HM13: variants seen among roughly 807,000 people sequenced by gnomAD.
HM13 encodes histocompatibility minor 13.
HM13 carries 18 observed loss-of-function variants against 50.0 expected under a neutral mutation model. The ratio of observed to expected loss-of-function variants is 0.36; its 90% CI spans 0.25 to 0.53. The LOEUF (loss-of-function observed/expected upper bound fraction) is 0.53. HM13 is among the 20% of genes least tolerant of loss of function. The probability of loss-of-function intolerance (pLI) is 0.90; values close to 1 mark genes in which losing one functional copy is unlikely to be tolerated. For missense variants in HM13, 393 were observed against 552.4 expected (o/e 0.71, Z 2.89); for synonymous variants, 197 against 232.6 (o/e 0.85, Z 1.39).
chr20:31,567,590 CCTTT>C (rs1984997960), intron 11 of HM13: 1 of 152,328 alleles, frequency 6.6e-6, no homozygotes, highest in Non-Finnish European at 1.5e-5. Context: ...CTATTCTCCT[CCTTT>C]TTTTATTGAT....
At chr20:31,557,988 G>A (rs376717289) in intron 8 of HM13, among the ~76,000 whole-genome samples, 5 of 152,054 alleles carry the variant, frequency 3.3e-5, no homozygotes, top group East Asian at 1.9e-4. Flanking sequence ...GATTGCAGGC[G>A]TGAGCCACCG....
At chr20:31,566,652 TCA>T (rs756314516) in intron 11 of HM13, among the ~76,000 whole-genome samples, 15 of 152,114 alleles carry the variant, frequency 9.9e-5, no homozygotes, top group Admixed American at 9.8e-4. Flanking sequence ...TCCCATGGCC[TCA>T]GTTTTCACAT....
chr20:31,548,880 C>A, intron 4 of HM13, 149 bp from the exon 5 acceptor site: 1 of 724,224 alleles, frequency 1.4e-6, no homozygotes, highest in Non-Finnish European at 2.4e-6. Context: ...TTCTGAAACT[C>A]ATACTAATCT....
At chr20:31,520,973 C>T (rs1305820320) in intron 1 of HM13, among the ~76,000 whole-genome samples, 2 of 152,186 alleles carry the variant, frequency 1.3e-5, no homozygotes, top group East Asian at 1.9e-4. Context: ...CTTTTGTTTC[C>T]GCTCTGATAA....
chr20:31,568,332 G>A, intron 12 of HM13, 108 bp downstream of exon 12: 2 of 1,417,978 alleles, frequency 1.4e-6, no homozygotes, highest in Non-Finnish European at 1.9e-6. Flanking sequence ...ATTGCCAGGA[G>A]TAGGCCGCAA....
chr20:31,559,693 C>G, intron 9 of HM13, 46 bp downstream of exon 9: 1 of 1,594,702 alleles, frequency 6.3e-7, no homozygotes, highest in Non-Finnish European at 8.6e-7. Context: ...TCCAGGGATT[C>G]TCCAGTGGCC....
intron 7 of HM13, among the ~76,000 whole-genome samples, chr20:31,552,326 G>A (rs1984077040): frequency 6.6e-6 from 1 of 152,182 alleles, no homozygotes; most frequent in South Asian, 2.1e-4. Flanking sequence ...GGAGGGGCCT[G>A]GGAGCAGAGA....
At chr20:31,530,906 T>C (rs895156423) in intron 2 of HM13, among the ~76,000 whole-genome samples, 10 of 152,220 alleles carry the variant, frequency 6.6e-5, no homozygotes, top group African/African-American at 2.4e-4. Context: ...AATTAGATAG[T>C]GCCAAATCAC....
chr20:31,554,498 C>A (rs554253478), intron 7 of HM13: 1 of 396,568 alleles, frequency 2.5e-6, no homozygotes, highest in African/African-American at 2.1e-5. Flanking sequence ...CTGGCTAACA[C>A]GGTGAAACCC....
intron 3 of HM13, chr20:31,540,946 C>G (rs539986384): frequency 6.6e-6 from 1 of 151,064 alleles, no homozygotes; most frequent in African/African-American, 2.4e-5. Context: ...CACCACTGCA[C>G]TCCAGCCTGG....
At chr20:31,553,843 G>A (rs1271633040) in intron 7 of HM13, among the ~76,000 whole-genome samples, 10 of 151,954 alleles carry the variant, frequency 6.6e-5, no homozygotes, top group Admixed American at 5.9e-4. Context: ...CTTATAGCCC[G>A]GGCTCACCCT....
chr20:31,562,500 G>A (rs1055751864), intron 10 of HM13: 2 of 152,252 alleles, frequency 1.3e-5, no homozygotes, highest in Non-Finnish European at 2.9e-5. Flanking sequence ...CCACACCCAG[G>A]CTCTCAAGCC....
intron 4 of HM13, among the ~76,000 whole-genome samples, chr20:31,545,446 AG>A (rs1326906896): frequency 6.6e-6 from 1 of 152,136 alleles, no homozygotes; most frequent in Non-Finnish European, 1.5e-5. Flanking sequence ...AGGTTTGAAA[AG>A]GGGGTTCCAC....
At chr20:31,552,289 C>G (rs1014199272) in intron 7 of HM13, among the ~76,000 whole-genome samples, 2 of 152,010 alleles carry the variant, frequency 1.3e-5, no homozygotes, top group Non-Finnish European at 2.9e-5. Context: ...ACAGCTTCAG[C>G]AAAGGGCTGG....
intron 4 of HM13, chr20:31,548,828 A>C: frequency 1.7e-6 from 1 of 600,974 alleles, no homozygotes. Context: ...TCCCTCCTGT[A>C]GGAAATTGGA....
intron 7 of HM13, chr20:31,554,476 A>C (rs1454247931): frequency 2.9e-6 from 1 of 339,854 alleles, no homozygotes; most frequent in African/African-American, 2.2e-5. Flanking sequence ...AGGTCAGGAG[A>C]TCAAGACCAT....
At chr20:31,531,085 C>T (rs1433680204) in intron 2 of HM13, among the ~76,000 whole-genome samples, 1 of 152,042 alleles carries the variant, frequency 6.6e-6, no homozygotes, top group East Asian at 1.9e-4. Context: ...CACTCTGTTG[C>T]CCAGGCTGGA....
At chr20:31,536,667 T>A (rs527742409) in intron 2 of HM13, among the ~76,000 whole-genome samples, 5 of 152,250 alleles carry the variant, frequency 3.3e-5, no homozygotes, top group African/African-American at 4.8e-5. Flanking sequence ...ACTGTCCCCA[T>A]GCTCCCTTAG....
intron 2 of HM13, among the ~76,000 whole-genome samples, chr20:31,533,743 C>T (rs1982950600): frequency 6.6e-6 from 1 of 152,180 alleles, no homozygotes; most frequent in Non-Finnish European, 1.5e-5. Context: ...CCGTGGGTCT[C>T]CTTCTGTAGG....
Sources: allele counts gnomAD v4.1 joint callset (sites outside exome capture counted in the v4.1 genomes callset), GRCh38; gene constraint gnomAD v4.1.1; transcripts MANE v1.5; gene names NCBI Gene and HGNC (gene_info 2026-07-23, HGNC 2026-07-21).